ITIH1: variants seen among roughly 807,000 people sequenced by gnomAD.
ITIH1 encodes the protein inter-alpha-trypsin inhibitor heavy chain 1.
ITIH1 carries 94 observed loss-of-function variants against 104.6 expected under a neutral mutation model. That is an observed-to-expected ratio of 0.90 (90% confidence interval 0.76 to 1.07). The LOEUF (loss-of-function observed/expected upper bound fraction) is 1.07, where lower values mean the gene tolerates loss of function less well. Among genes scored for constraint, ITIH1 ranks in the 50% least tolerant of loss-of-function variants. ITIH1 has a pLI of 0.00. For missense variants in ITIH1, 1,193 were observed against 1,181.4 expected (o/e 1.01, Z -0.14); for synonymous variants, 455 against 464.4 (o/e 0.98, Z 0.26).
intron 20 of ITIH1, 99 bp from the exon 21 acceptor site, chr3:52,791,418 G>T (rs75804542): frequency 4.6e-6 from 4 of 861,832 alleles, no homozygotes; most frequent in Middle Eastern, 2.2e-4. Flanking sequence ...GAAAAAAAGC[G>T]GTCCAGCAAT....
At chr3:52,786,862 A>ATGAATAAGTGAATGGATAGG in intron 13 of ITIH1, 83 bp from the exon 14 acceptor site, 1 of 1,418,728 alleles carries the variant, frequency 7.0e-7, no homozygotes. Flanking sequence ...GAATGAATGA[A>ATGAATAAGTGAATGGATAGG]TGAATGAATA....
chr3:52,791,213 C>T (rs1699348041), intron 20 of ITIH1, among the ~76,000 whole-genome samples: 1 of 152,122 alleles, frequency 6.6e-6, no homozygotes, highest in African/African-American at 2.4e-5. Context: ...GGGTCACTGA[C>T]CACACTGCTC....
At chr3:52,791,054 C>T in intron 20 of ITIH1, 133 bp downstream of exon 20, 1 of 875,542 alleles carries the variant, frequency 1.1e-6, no homozygotes, top group Non-Finnish European at 1.7e-6. Flanking sequence ...CTCCAAGGAG[C>T]AGAGCCGTCT....
At chr3:52,789,508 G>A (rs1056257453) in intron 18 of ITIH1, 145 bp from the exon 19 acceptor site, 2 of 685,426 alleles carry the variant, frequency 2.9e-6, no homozygotes, top group Non-Finnish European at 5.1e-6. Flanking sequence ...TGCGGGACCA[G>A]ACCTGGAGAC....
intron 1 of ITIH1, 120 bp from the exon 2 acceptor site, chr3:52,777,876 AC>A: frequency 7.1e-7 from 1 of 1,413,012 alleles, no homozygotes; most frequent in Non-Finnish European, 1.0e-6. Context: ...TCCCAGCACC[AC>A]CAAGGAGGTG....
chr3:52,783,473 T>C (rs1006932608), intron 10 of ITIH1, 134 bp downstream of exon 10: 10 of 916,904 alleles, frequency 1.1e-5, no homozygotes, highest in Admixed American at 7.0e-5. Context: ...CAAGCACTGG[T>C]CTAAAAACAC....
chr3:52,787,732 C>A, intron 16 of ITIH1, 120 bp downstream of exon 16: 2 of 1,230,064 alleles, frequency 1.6e-6, no homozygotes, highest in Non-Finnish European at 2.4e-6. Flanking sequence ...TTAGAACAGA[C>A]CTCTGAACAG....
chr3:52,778,517 G>A lies in ITIH1; in HGVS notation c.305+11G>A, dbSNP rs924734744. 5 of 1,613,748 alleles carry A rather than the reference G, an allele frequency of 3.1e-6. No homozygotes were observed. Among genetic ancestry groups the A allele is most frequent in the Non-Finnish European group, 4.2e-6 (5 of 1,179,804 alleles). On this transcript the variant is annotated intron_variant, in intron 3 of 21. Coordinates refer to ENST00000273283, the MANE Select transcript of ITIH1 (RefSeq NM_002215.4). ...CAGTGACTTTGCCGTGTGCGTGCCT[G>A]CCCAACTCCCATGCCTTCTCCCAGG...
intron 3 of ITIH1, 21 bp downstream of exon 3, chr3:52,778,527 C>T (rs765062284): frequency 4.0e-5 from 64 of 1,613,190 alleles, no homozygotes; most frequent in Non-Finnish European, 5.3e-5. Context: ...GCCCAACTCC[C>T]ATGCCTTCTC....
Position 52,779,287 on chromosome 3 carries a change from G to C in ITIH1, c.411-145G>C. On this transcript the variant is annotated intron_variant, in intron 4 of 21. Transcript: ENST00000273283. The surrounding 1 kb of genome is among the most constrained non-coding windows in gnomAD (Gnocchi z 4.4). ...CTTGGGCCCTGACCCTGACCAGCCAGCTAACACATTTGTGAGGTCCAGGGA... is the reference window on the plus strand; with the variant it reads ...CTTGGGCCCTGACCCTGACCAGCCACCTAACACATTTGTGAGGTCCAGGGA... 1.1e-6 allele frequency: 1 copy of C among 931,992 alleles called. No homozygotes were observed. The allele number at this position is 931,992 out of a possible 1,614,324, so 57.7% of individuals were successfully genotyped here. A position where few individuals can be genotyped will look rare whatever the true frequency, so the allele number is the denominator to read the frequency against.
At chr3:52,784,908 G>A in intron 11 of ITIH1, 136 bp from the exon 12 acceptor site, 1 of 774,724 alleles carries the variant, frequency 1.3e-6, no homozygotes, top group Non-Finnish European at 2.0e-6. Flanking sequence ...GCATGACCTC[G>A]AGCCAGCTAC....
chr3:52,783,174 G>A, intron 9 of ITIH1, 40 bp from the exon 10 acceptor site: 1 of 1,614,070 alleles, frequency 6.2e-7, no homozygotes, highest in South Asian at 1.1e-5. Flanking sequence ...TGTCCCCTCA[G>A]AATGAGGGCA....
rs140332978 is a variant in ITIH1, at chr3:52,780,320, G to A, written c.625G>A (p.Ala209Thr). The change falls in exon 6 of 22, where the codon GCC (alanine) becomes ACC (threonine). Residue 209 changes from alanine (A) to threonine (T), a missense_variant. Ala to Thr is a moderately conservative substitution (Grantham distance 58). Coordinates refer to ENST00000273283, the MANE Select transcript of ITIH1 (RefSeq NM_002215.4). ...PQGISKLDAQ[A>T]SFLPKELAAQ... Reference sequence around the variant, plus strand: ...GGGGATCAGCAAGCTGGATGCCCAGGCCTCTTTCCTGCCGAAGGAACTGGC... The same window carrying A: ...GGGGATCAGCAAGCTGGATGCCCAGACCTCTTTCCTGCCGAAGGAACTGGC... 3 of 1,614,156 alleles carry A rather than the reference G, an allele frequency of 1.9e-6. No individual in the cohort carries two copies. The highest frequency in any genetic ancestry group is 1.1e-5 in the South Asian group (1 of 91,070).
At chr3:52,789,475 G>C (rs1185704826) in intron 18 of ITIH1, among the ~76,000 whole-genome samples, 178 bp from the exon 19 acceptor site, 1 of 152,174 alleles carries the variant, frequency 6.6e-6, no homozygotes, top group African/African-American at 2.4e-5. Context: ...GAGGGGTGGA[G>C]AGGAAGGAGA....
rs774445788 is a variant in ITIH1 at position 52,778,049 on chromosome 3, A to T, written c.138+32A>T. The T allele has an allele frequency of 2.5e-6, 4 of 1,613,490 alleles. No individual in the cohort carries two copies. In the African/African-American group the frequency reaches 4.0e-5, roughly 16 times the overall value. On this transcript the variant is annotated intron_variant, in intron 2 of 21. Coordinates refer to ENST00000273283, the MANE Select transcript of ITIH1 (RefSeq NM_002215.4). ...AAGAGTCCTGGCAAAGGGGTCTGTG[A>T]CAGAGCCCTTTTTACAGGCTTGCTT...
At chr3:52,786,187 G>T in intron 12 of ITIH1, 108 bp from the exon 13 acceptor site, 1 of 1,093,832 alleles carries the variant, frequency 9.1e-7, no homozygotes, top group Non-Finnish European at 1.3e-6. Context: ...GTGATGCTGA[G>T]GACGAAGCTG....
chr3:52,787,321 C>T (rs1231577273), intron 15 of ITIH1, 119 bp downstream of exon 15: 11 of 1,398,468 alleles, frequency 7.9e-6, no homozygotes, highest in South Asian at 6.9e-5. Context: ...CACTCCTTCC[C>T]GTTCTTCCGT....
intron 19 of ITIH1, chr3:52,790,472 GT>G: frequency 2.5e-6 from 1 of 392,888 alleles, no homozygotes; most frequent in East Asian, 6.1e-5. Flanking sequence ...CCTTGGGCAA[GT>G]TACTTAACCT....
chr3:52,787,790 G>C, intron 16 of ITIH1, 178 bp downstream of exon 16: 2 of 911,222 alleles, frequency 2.2e-6, no homozygotes, highest in Non-Finnish European at 1.8e-6. Flanking sequence ...CAGAGAGGGG[G>C]CCAGCTAAAC....
Sources: allele counts gnomAD v4.1 joint callset (sites outside exome capture counted in the v4.1 genomes callset), GRCh38; gene constraint gnomAD v4.1.1; non-coding constraint Gnocchi (gnomAD v3.1); transcripts MANE v1.5; gene names NCBI Gene and HGNC (gene_info 2026-07-23, HGNC 2026-07-21).